BNC2: variants seen among roughly 807,000 people sequenced by gnomAD.
BNC2 encodes the protein basonuclin zinc finger protein 2.
A neutral mutation model predicts 76.3 loss-of-function variants in BNC2; 20 were observed. The observed-to-expected ratio is 0.26, with a 90% CI of 0.18 to 0.38. The LOEUF (loss-of-function observed/expected upper bound fraction) is 0.38. Among genes scored for constraint, BNC2 ranks in the 10% least tolerant of loss-of-function variants. The pLI is 1.00. For missense variants in BNC2, 1,382 were observed against 1,399.8 expected, an observed-to-expected ratio of 0.99 and a Z score of 0.20; for synonymous variants, 582 against 514.8, an observed-to-expected ratio of 1.13 and a Z score of -1.77.
At chr9:16,491,055 G>C (rs1389460981) in intron 5 of BNC2, among the ~76,000 whole-genome samples, 3 of 152,230 alleles carry the variant, frequency 2.0e-5, no homozygotes, top group African/African-American at 7.2e-5. Flanking sequence ...GACGCAGACA[G>C]ACAACGTGAT....
chr9:16,630,786 C>G (rs1365643071), intron 3 of BNC2, among the ~76,000 whole-genome samples: 1 of 145,012 alleles, frequency 6.9e-6, no homozygotes, highest in Non-Finnish European at 1.5e-5. Context: ...GTTGCCCAGG[C>G]TGGAGGGCAA....
intron 1 of BNC2, among the ~76,000 whole-genome samples, chr9:16,836,052 A>C (rs1412799480): frequency 6.6e-6 from 1 of 152,202 alleles, no homozygotes; most frequent in South Asian, 2.1e-4. Context: ...AACACGAGGT[A>C]GTGAGTTTAA....
At chr9:16,742,539 T>TTTGCTAG (rs61491734) in intron 1 of BNC2, among the ~76,000 whole-genome samples, 7,786 of 152,210 alleles carry the variant, frequency 0.051, 684 homozygotes, top group African/African-American at 0.18. Flanking sequence ...GACATTCATC[T>TTTGCTAG]ACTATACTAG....
chr9:16,682,541 G>A (rs1381215123), intron 3 of BNC2, among the ~76,000 whole-genome samples: 2 of 152,146 alleles, frequency 1.3e-5, no homozygotes, highest in East Asian at 1.9e-4. Flanking sequence ...AGACCAGAGA[G>A]CAGCCACAGT....
At chr9:16,461,317 T>C (rs1821575163) in intron 5 of BNC2, among the ~76,000 whole-genome samples, 1 of 152,150 alleles carries the variant, frequency 6.6e-6, no homozygotes, top group Admixed American at 6.6e-5. Context: ...CGCTTCCATG[T>C]TTTTAATTAA....
intron 3 of BNC2, among the ~76,000 whole-genome samples, chr9:16,630,770 A>C (rs1821139181): frequency 2.8e-5 from 2 of 72,158 alleles, no homozygotes; most frequent in African/African-American, 9.5e-5. Flanking sequence ...ACAGAGTTTC[A>C]CTCTTGTTGC....
At chr9:16,434,182 A>AT (rs1201747231) in intron 6 of BNC2, among the ~76,000 whole-genome samples, 1 of 152,148 alleles carries the variant, frequency 6.6e-6, no homozygotes, top group Non-Finnish European at 1.5e-5. Context: ...TTTCTTAAAT[A>AT]TTTTGCTTTT....
chr9:16,664,703 A>G (rs867113127), intron 3 of BNC2, among the ~76,000 whole-genome samples: 1 of 135,300 alleles, frequency 7.4e-6, no homozygotes, highest in Non-Finnish European at 1.5e-5. Flanking sequence ...AAAAACAAAA[A>G]CAAAAAAAAC....
At chr9:16,853,538 C>T (rs1260148630) in intron 1 of BNC2, among the ~76,000 whole-genome samples, 2 of 152,134 alleles carry the variant, frequency 1.3e-5, no homozygotes, top group East Asian at 1.9e-4. Flanking sequence ...CAACACCTCC[C>T]CTCACTTTAT....
intron 5 of BNC2, among the ~76,000 whole-genome samples, chr9:16,480,474 G>A (rs1822024110): frequency 6.6e-6 from 1 of 152,214 alleles, no homozygotes; most frequent in African/African-American, 2.4e-5. Flanking sequence ...GCCAAGGCCA[G>A]AGCCGGCTCC....
intron 1 of BNC2, among the ~76,000 whole-genome samples, chr9:16,829,437 T>C (rs1818530088): frequency 6.6e-6 from 1 of 152,180 alleles, no homozygotes; most frequent in Admixed American, 6.6e-5. Flanking sequence ...GTTGTCTTTT[T>C]TGATGGTGGT....
intron 1 of BNC2, among the ~76,000 whole-genome samples, chr9:16,866,017 G>A (rs1586946962): frequency 2.0e-5 from 3 of 152,004 alleles, no homozygotes; most frequent in African/African-American, 7.2e-5. Context: ...TTTTAAGAAG[G>A]ACAAATCTGG....
chr9:16,429,956 A>G (rs773157114), intron 6 of BNC2: 2 of 516,228 alleles, frequency 3.9e-6, no homozygotes, highest in South Asian at 2.8e-5. Context: ...GTCTCTCCCC[A>G]TGATACAAGG....
At chr9:16,737,814 C>T (rs754710580) in intron 2 of BNC2, among the ~76,000 whole-genome samples, 5 of 152,022 alleles carry the variant, frequency 3.3e-5, no homozygotes, top group Non-Finnish European at 7.4e-5. Flanking sequence ...TAGTGATTGG[C>T]TTTGATGGAG....
chr9:16,499,531 T>C (rs202101074), intron 5 of BNC2, among the ~76,000 whole-genome samples: 48 of 83,182 alleles, frequency 5.8e-4, no homozygotes, highest in East Asian at 3.0e-3. Flanking sequence ...TTTTTTTTTC[T>C]TTTTTTTTTT....
At chr9:16,759,702 C>T (rs1013583354) in intron 1 of BNC2, among the ~76,000 whole-genome samples, 15 of 149,680 alleles carry the variant, frequency 1.0e-4, no homozygotes, top group African/African-American at 2.7e-4. Flanking sequence ...CATAGAATAC[C>T]TCAATTTTTG....
intron 6 of BNC2, among the ~76,000 whole-genome samples, chr9:16,427,441 T>C (rs1820824037): frequency 6.6e-6 from 1 of 152,238 alleles, no homozygotes; most frequent in African/African-American, 2.4e-5. Context: ...ATACTATCAT[T>C]TACCTCTTTA....
rs1025208989 is a variant in BNC2, at chr9:16,410,803, G to A, written c.*8186C>T. 1 of 152,176 alleles carries A rather than the reference G, an allele frequency of 6.6e-6. No individual in the cohort carries two copies. The highest frequency in any genetic ancestry group is 2.4e-5 in the African/African-American group (1 of 41,440). 9.4% of individuals were successfully genotyped at this position (152,176 alleles called of 1,614,324 possible). A position where few individuals can be genotyped will look rare whatever the true frequency, so the allele number is the denominator to read the frequency against. ...CAGAGGAGATTAAGATACACAATGA[G>A]AGGAATGGATTACTCTGTACAAAAA... On this transcript the variant is annotated 3_prime_UTR_variant, in exon 7 of 7. Coordinates refer to ENST00000380672, the MANE Select transcript of BNC2 (RefSeq NM_017637.6).
chr9:16,419,669 G>GC lies in BNC2; in HGVS notation c.2640-21_2640-20insG, dbSNP rs1407710193. 5 of 699,642 alleles carry GC rather than the reference G, an allele frequency of 7.1e-6. No individual in the cohort carries two copies. The African/African-American group carries it at 1.2e-4, about 17-fold the overall frequency. 43.3% of individuals were successfully genotyped at this position (699,642 alleles called of 1,614,324 possible). Reference sequence around the variant, plus strand: ...CTGTGTCTAGGAAAACAAGAGGGAAGGGGGGGTACGTGGATGGGGGGTGGG... The same window carrying GC: ...CTGTGTCTAGGAAAACAAGAGGGAAGCGGGGGGTACGTGGATGGGGGGTGGG... On this transcript the variant is annotated intron_variant, in intron 6 of 6. Coordinates refer to ENST00000380672, the MANE Select transcript of BNC2 (RefSeq NM_017637.6).
Sources: allele counts gnomAD v4.1 joint callset (sites outside exome capture counted in the v4.1 genomes callset), GRCh38; gene constraint gnomAD v4.1.1; transcripts MANE v1.5; gene names NCBI Gene and HGNC (gene_info 2026-07-23, HGNC 2026-07-21).